TSHR: variants seen among roughly 807,000 people sequenced by gnomAD.
TSHR encodes the protein thyrotropin receptor.
A neutral mutation model predicts 64.1 loss-of-function variants in TSHR; 51 were observed. The observed-to-expected ratio is 0.80, with a 90% CI of 0.64 to 1.01. The LOEUF is 1.01. Among genes scored for constraint, TSHR ranks in the 50% least tolerant of loss-of-function variants. The pLI, the probability that TSHR is intolerant of heterozygous loss-of-function variation, is 0.00. For synonymous variants in TSHR, 361 were observed against 361.9 expected, an observed-to-expected ratio of 1.00 and a Z score of 0.03; for missense variants, 877 against 942.8, an observed-to-expected ratio of 0.93 and a Z score of 0.91.
chr14:80,961,834 A>G (rs1887046523), intron 1 of TSHR, among the ~76,000 whole-genome samples: 1 of 152,244 alleles, frequency 6.6e-6, no homozygotes, highest in Admixed American at 6.5e-5. Context: ...TATTTTAATA[A>G]CTGATTTCCC....
chr14:81,123,388 A>G (rs1890886686), intron 8 of TSHR, among the ~76,000 whole-genome samples: 1 of 152,196 alleles, frequency 6.6e-6, no homozygotes, highest in African/African-American at 2.4e-5. Context: ...TTTCCCACAT[A>G]GCTTCTTTCC....
At chr14:81,112,723 G>C (rs547483302) in intron 8 of TSHR, among the ~76,000 whole-genome samples, 2 of 152,148 alleles carry the variant, frequency 1.3e-5, no homozygotes, top group Non-Finnish European at 1.5e-5. Flanking sequence ...TGAGTGAAAA[G>C]CCTCATCAAG....
intron 1 of TSHR, among the ~76,000 whole-genome samples, chr14:80,958,731 T>G (rs1244843273): frequency 6.6e-6 from 1 of 152,120 alleles, no homozygotes; most frequent in African/African-American, 2.4e-5. Context: ...AAACCAAGTT[T>G]TTGTCATTAA....
intron 8 of TSHR, 89 bp downstream of exon 8, chr14:81,108,541 T>A (rs774018508): frequency 6.2e-7 from 1 of 1,606,102 alleles, no homozygotes. Flanking sequence ...GAGAATCTTA[T>A]GTTCAAGGGT....
At chr14:81,054,673 A>T (rs1379361935) in intron 1 of TSHR, among the ~76,000 whole-genome samples, 5 of 152,150 alleles carry the variant, frequency 3.3e-5, no homozygotes, top group African/African-American at 1.2e-4. Context: ...GACTGGCAGC[A>T]TTTTGCCCTT....
At chr14:80,982,405 C>G in intron 1 of TSHR, 1 of 1,240,158 alleles carries the variant, frequency 8.1e-7, no homozygotes, top group Non-Finnish European at 1.1e-6. Context: ...GAATGATAAA[C>G]CTGAAATTGG....
chr14:81,094,273 A>C (rs1888983393), intron 6 of TSHR: 1 of 152,216 alleles, frequency 6.6e-6, no homozygotes, highest in Non-Finnish European at 1.5e-5. Context: ...GTCTTGCTTC[A>C]CCATGTTCCC....
intron 1 of TSHR, among the ~76,000 whole-genome samples, chr14:81,021,856 G>C (rs551484490): frequency 7.9e-4 from 121 of 152,296 alleles, no homozygotes; most frequent in Middle Eastern, 6.8e-3. Flanking sequence ...CACTTTCAGT[G>C]CTGACCTACC....
At chr14:81,114,946 C>A (rs1890425075) in intron 8 of TSHR, among the ~76,000 whole-genome samples, 1 of 152,154 alleles carries the variant, frequency 6.6e-6, no homozygotes, top group Non-Finnish European at 1.5e-5. Flanking sequence ...GCAGGGTACT[C>A]CAACAGACCT....
chr14:81,125,564 A>G (rs910939652), intron 8 of TSHR, among the ~76,000 whole-genome samples: 1 of 152,030 alleles, frequency 6.6e-6, no homozygotes, highest in African/African-American at 2.4e-5. Context: ...CAGGGACTGG[A>G]TCTCCCTCTG....
Position 81,142,981 on chromosome 14 carries a change from G to T in TSHR, c.923G>T (p.Ser308Ile). ...SLMCNESSMQ[S>I]LRQRKSVNAL... ...ATGTGTAATGAGAGCAGTATGCAGA[G>T]CTTGCGCCAGAGAAAATCTGTGAAT... Residue 308 changes from serine (S) to isoleucine (I), a missense_variant, in exon 10 of 10, where the codon AGC (serine) becomes ATC (isoleucine). Physicochemically the swap from Ser to Ile is moderately radical, Grantham distance 142. Transcript: ENST00000298171. 1 of 1,614,172 alleles carries T rather than the reference G, an allele frequency of 6.2e-7. No individual in the cohort carries two copies. The highest frequency in any genetic ancestry group is 8.5e-7 in the Non-Finnish European group (1 of 1,180,038).
At chr14:81,076,527 G>C (rs79201526) in intron 3 of TSHR, among the ~76,000 whole-genome samples, 11,161 of 151,948 alleles carry the variant, frequency 0.073, 1,371 homozygotes, top group African/African-American at 0.25. Flanking sequence ...CTTGATTGTC[G>C]TCCTGAAATC....
chr14:81,004,854 G>A (rs943523968), intron 1 of TSHR, among the ~76,000 whole-genome samples: 3 of 152,208 alleles, frequency 2.0e-5, no homozygotes, highest in Admixed American at 1.3e-4. Context: ...CCCCACAGGT[G>A]TTAACAACCA....
intron 1 of TSHR, among the ~76,000 whole-genome samples, chr14:80,998,404 A>C (rs1339299102): frequency 6.6e-6 from 1 of 152,132 alleles, no homozygotes; most frequent in Admixed American, 6.6e-5. Flanking sequence ...TTTTAGACAG[A>C]CAGCCAGCAA....
intron 1 of TSHR, among the ~76,000 whole-genome samples, chr14:80,998,838 A>G (rs1487986092): frequency 6.6e-6 from 1 of 152,124 alleles, no homozygotes; most frequent in Non-Finnish European, 1.5e-5. Flanking sequence ...TTGTAATCAT[A>G]CCCTCTTGGA....
At chr14:81,049,972 C>T (rs1411623871) in intron 1 of TSHR, 1 of 152,106 alleles carries the variant, frequency 6.6e-6, no homozygotes, top group Non-Finnish European at 1.5e-5. Context: ...TTATTTATAG[C>T]AGTACAAAAA....
chr14:81,127,613 G>A (rs1891069891), intron 8 of TSHR, among the ~76,000 whole-genome samples: 1 of 152,196 alleles, frequency 6.6e-6, no homozygotes, highest in Admixed American at 6.5e-5. Context: ...CCCAGTGGGA[G>A]ATAATTGAAT....
At chr14:81,033,288 T>A in intron 1 of TSHR, 1 of 457,124 alleles carries the variant, frequency 2.2e-6, no homozygotes, top group Non-Finnish European at 4.3e-6. Flanking sequence ...TCGAAAAGCA[T>A]AATTTGTACA....
chr14:81,088,580 G>A (rs145341414), intron 4 of TSHR, among the ~76,000 whole-genome samples: 427 of 152,228 alleles, frequency 2.8e-3, no homozygotes, highest in African/African-American at 9.8e-3. Flanking sequence ...TTTCTCTGTT[G>A]AATCTTTACT....
Sources: gnomAD v4.1 joint callset for allele counts (sites outside exome capture counted in the v4.1 genomes callset) on GRCh38, gnomAD v4.1.1 for gene constraint, MANE v1.5 for transcripts, NCBI Gene and HGNC (gene_info 2026-07-23, HGNC 2026-07-21) for gene names.